LINGO2: variants seen among roughly 807,000 people sequenced by gnomAD.
The protein encoded by LINGO2 is leucine-rich repeat and immunoglobulin-like domain-containing nogo receptor-interacting protein 2.
LINGO2 carries 14 observed loss-of-function variants against 30.6 expected under a neutral mutation model. The ratio of observed to expected loss-of-function variants is 0.46; its 90% CI spans 0.30 to 0.72. LINGO2 has a LOEUF of 0.72. Among genes scored for constraint, LINGO2 ranks in the 30% least tolerant of loss-of-function variants. The probability of loss-of-function intolerance (pLI) is 0.07; values close to 1 mark genes in which losing one functional copy is unlikely to be tolerated. For missense variants in LINGO2, 729 were observed against 751.7 expected (o/e 0.97, Z 0.35); for synonymous variants, 317 against 288.5 (o/e 1.10, Z -1.00).
chr9:28,487,004 G>C (rs992567607), intron 1 of LINGO2, among the ~76,000 whole-genome samples: 5 of 152,062 alleles, frequency 3.3e-5, no homozygotes, highest in African/African-American at 4.8e-5. Flanking sequence ...CCTCAAGGTA[G>C]AGTAAAAGAA....
intron 4 of LINGO2, among the ~76,000 whole-genome samples, chr9:28,055,177 T>C (rs1313647772): frequency 6.6e-6 from 1 of 152,178 alleles, no homozygotes; most frequent in African/African-American, 2.4e-5. Context: ...CTTATGTAAA[T>C]TGGCTTAATT....
the LINGO2 span, among the ~76,000 whole-genome samples, chr9:28,989,377 T>C: frequency 1.1e-4 from 16 of 152,370 alleles, no homozygotes; most frequent in South Asian, 2.5e-3. Flanking sequence ...CAATAACTAT[T>C]TGTATTAACT....
chr9:29,119,577 CTTTTTTTTTT>C, the LINGO2 span, among the ~76,000 whole-genome samples: 2 of 82,514 alleles, frequency 2.4e-5, no homozygotes, highest in African/African-American at 4.7e-5. Flanking sequence ...CAGTTGTCAT[CTTTTTTTTTT>C]TTTTTTTTTT....
chr9:28,526,541 C>T (rs1821047117), intron 1 of LINGO2, among the ~76,000 whole-genome samples: 1 of 152,118 alleles, frequency 6.6e-6, no homozygotes, highest in African/African-American at 2.4e-5. Context: ...AACATTCAAC[C>T]CTGAAAAACT....
the LINGO2 span, among the ~76,000 whole-genome samples, chr9:28,857,708 C>G: frequency 3.3e-5 from 5 of 151,756 alleles, no homozygotes; most frequent in African/African-American, 1.2e-4. Flanking sequence ...TAGTCCAAAC[C>G]GAGATATGCT....
intron 2 of LINGO2, among the ~76,000 whole-genome samples, chr9:28,397,869 C>T (rs1386189248): frequency 6.6e-6 from 1 of 152,054 alleles, no homozygotes; most frequent in Non-Finnish European, 1.5e-5. Flanking sequence ...AAATTCATTC[C>T]TCCCATCTAA....
the LINGO2 span, among the ~76,000 whole-genome samples, chr9:28,773,207 T>C: frequency 3.4e-4 from 51 of 151,866 alleles, 1 homozygote; most frequent in African/African-American, 1.2e-3. Context: ...CTACTAAAAA[T>C]ACAAAAAATT....
intron 3 of LINGO2, among the ~76,000 whole-genome samples, chr9:28,331,629 C>A (rs930906295): frequency 6.6e-6 from 1 of 152,026 alleles, no homozygotes; most frequent in Non-Finnish European, 1.5e-5. Context: ...CCTTAGTCTC[C>A]CAAGTAGTTG....
At chr9:29,157,282 T>C in the LINGO2 span, among the ~76,000 whole-genome samples, 8 of 152,098 alleles carry the variant, frequency 5.3e-5, no homozygotes, top group Non-Finnish European at 1.0e-4. Context: ...ATTTGATATG[T>C]TCAACTACAT....
At chr9:28,024,495 G>C (rs149479392) in intron 4 of LINGO2, among the ~76,000 whole-genome samples, 9 of 152,242 alleles carry the variant, frequency 5.9e-5, no homozygotes, top group East Asian at 1.9e-4. Context: ...CCTTCATCTT[G>C]TTCAGGCTTT....
At chr9:28,004,539 T>C (rs1822161549) in intron 5 of LINGO2, among the ~76,000 whole-genome samples, 1 of 152,228 alleles carries the variant, frequency 6.6e-6, no homozygotes, top group South Asian at 2.1e-4. Flanking sequence ...ATTTAGTGTA[T>C]TTATCAATTA....
the LINGO2 span, among the ~76,000 whole-genome samples, chr9:29,145,571 C>G: frequency 5.9e-5 from 9 of 152,082 alleles, no homozygotes; most frequent in African/African-American, 2.2e-4. Flanking sequence ...TGTCTCTGTA[C>G]AATTAAATTT....
At chr9:28,773,712 T>C in the LINGO2 span, among the ~76,000 whole-genome samples, 5 of 152,188 alleles carry the variant, frequency 3.3e-5, no homozygotes, top group African/African-American at 4.8e-5. Context: ...TGAAAACTCA[T>C]GGCAAATGCT....
the LINGO2 span, among the ~76,000 whole-genome samples, chr9:28,924,687 T>G: frequency 6.6e-6 from 1 of 152,240 alleles, no homozygotes; most frequent in Non-Finnish European, 1.5e-5. Context: ...CTTCCTTTGA[T>G]CAAGCTTATA....
intron 5 of LINGO2, among the ~76,000 whole-genome samples, chr9:27,973,689 G>A (rs985006729): frequency 2.0e-5 from 3 of 152,150 alleles, no homozygotes; most frequent in African/African-American, 7.2e-5. Flanking sequence ...TAGCTTCTGA[G>A]TATCTTTCCT....
At chr9:28,269,912 A>C (rs1426469124) in intron 4 of LINGO2, among the ~76,000 whole-genome samples, 1 of 152,140 alleles carries the variant, frequency 6.6e-6, no homozygotes, top group East Asian at 1.9e-4. Context: ...AGTCCACAGA[A>C]GACAGGAAGG....
intron 1 of LINGO2, among the ~76,000 whole-genome samples, chr9:28,481,959 T>A (rs555302662): frequency 5.0e-4 from 76 of 152,312 alleles, no homozygotes; most frequent in African/African-American, 1.8e-3. Flanking sequence ...GAACTCATCA[T>A]TTTTTATGGC....
chr9:28,423,905 T>G (rs930871203), intron 2 of LINGO2, among the ~76,000 whole-genome samples: 20 of 152,106 alleles, frequency 1.3e-4, no homozygotes, highest in African/African-American at 4.6e-4. Context: ...AATAATTAAT[T>G]TCAGAAACAG....
the LINGO2 span, among the ~76,000 whole-genome samples, chr9:29,131,674 G>T: frequency 6.6e-6 from 1 of 152,018 alleles, no homozygotes; most frequent in African/African-American, 2.4e-5. Context: ...ATTTTGGTCA[G>T]GCCCTTGGAA....
Sources: allele counts gnomAD v4.1 joint callset (sites outside exome capture counted in the v4.1 genomes callset), GRCh38; gene constraint gnomAD v4.1.1; transcripts MANE v1.5; gene names NCBI Gene and HGNC (gene_info 2026-07-23, HGNC 2026-07-21).